The following MAGI1 variants were observed in gnomAD, a reference collection of about 807,000 sequenced individuals.
The protein encoded by MAGI1 is membrane-associated guanylate kinase, WW and PDZ domain-containing protein 1.
In MAGI1, 58 loss-of-function variants were observed where a neutral mutation model predicts 139.9. The observed-to-expected ratio is 0.41, with a 90% CI of 0.34 to 0.52. The LOEUF (loss-of-function observed/expected upper bound fraction) is 0.52. Among genes scored for constraint, MAGI1 ranks in the 20% least tolerant of loss-of-function variants. The pLI is 0.12. For synonymous variants in MAGI1, 812 were observed against 737.9 expected (o/e 1.10, Z -1.63); for missense variants, 1,874 against 1,901.6 (o/e 0.99, Z 0.27).
At chr3:65,995,953 G>T (rs557042342) in intron 1 of MAGI1, among the ~76,000 whole-genome samples, 1 of 152,078 alleles carries the variant, frequency 6.6e-6, no homozygotes, top group Non-Finnish European at 1.5e-5. Context: ...AGCTATGATC[G>T]TGCCACTGTA....
chr3:65,517,044 A>G (rs888616899), intron 2 of MAGI1, among the ~76,000 whole-genome samples: 2 of 152,142 alleles, frequency 1.3e-5, no homozygotes, highest in African/African-American at 2.4e-5. Context: ...CACCTCTTTA[A>G]GGGGGCTGAA....
At position 65,597,247 on chromosome 3, in the gene MAGI1, C is replaced by T. The variant is rs375797633; in HGVS notation, c.430+24725G>A. On this transcript the variant is annotated intron_variant, in intron 2 of 22. Transcript: ENST00000402939. ...TTTACCATCCATCAGGAACTCATTT[C>T]GCCGGCCCCCTCCCCCTCCCACCCC... is the stretch of plus-strand genomic sequence containing the variant. Among the ~76,000 whole-genome samples, 47 of 151,400 alleles carry T rather than the reference C, an allele frequency of 3.1e-4. No homozygotes were observed. The East Asian group carries it at 6.5e-3, about 21-fold the overall frequency.
At chr3:65,590,641 C>T (rs954232) in intron 2 of MAGI1, among the ~76,000 whole-genome samples, 55,435 of 152,010 alleles carry the variant, frequency 0.36, 11,403 homozygotes, top group East Asian at 0.62. Context: ...GCTGCTTGAA[C>T]AATGCTGAAT....
At chr3:65,826,358 T>C (rs942788593) in intron 1 of MAGI1, among the ~76,000 whole-genome samples, 1 of 152,228 alleles carries the variant, frequency 6.6e-6, no homozygotes, top group East Asian at 1.9e-4. Context: ...GAGCTACTTA[T>C]ATTTGGGATA....
Position 65,746,931 on chromosome 3 carries a change from A to G in MAGI1, c.314-124843T>C, listed in dbSNP as rs1322493656. On this transcript the variant is annotated intron_variant, in intron 1 of 22. Transcript: ENST00000402939. ...GTAGCAAATACACATATTTTAGTACAAGCACATGTAATGGGAAGGCCAAAC... is the reference window on the plus strand; with the variant it reads ...GTAGCAAATACACATATTTTAGTACGAGCACATGTAATGGGAAGGCCAAAC... Among the ~76,000 whole-genome samples, 6 of 152,200 alleles carry G rather than the reference A, an allele frequency of 3.9e-5. No individual in the cohort carries two copies. In the South Asian group the frequency reaches 1.2e-3, roughly 31 times the overall value.
chr3:65,778,761 A>G (rs927529334), intron 1 of MAGI1, among the ~76,000 whole-genome samples: 1 of 152,214 alleles, frequency 6.6e-6, no homozygotes, highest in Non-Finnish European at 1.5e-5. Context: ...AGCCAGTCAA[A>G]ATGTGTCTTC....
chr3:65,421,079 T>A (rs974738504), intron 12 of MAGI1, among the ~76,000 whole-genome samples: 1 of 152,232 alleles, frequency 6.6e-6, no homozygotes, highest in Non-Finnish European at 1.5e-5. Flanking sequence ...AAGCATTATA[T>A]AATGAAAGAC....
At chr3:65,617,345 G>A (rs2083431762) in intron 2 of MAGI1, among the ~76,000 whole-genome samples, 1 of 152,230 alleles carries the variant, frequency 6.6e-6, no homozygotes, top group Non-Finnish European at 1.5e-5. Flanking sequence ...CAGCATTCCA[G>A]AGAACCAGAA....
At chr3:65,580,250 A>C (rs1284438519) in intron 2 of MAGI1, among the ~76,000 whole-genome samples, 1 of 152,190 alleles carries the variant, frequency 6.6e-6, no homozygotes, top group African/African-American at 2.4e-5. Context: ...ACAAGTTTTC[A>C]ATCTAATTTG....
chr3:65,640,505 G>C lies in MAGI1; in HGVS notation c.314-18417C>G, dbSNP rs780033255. On this transcript the variant is annotated intron_variant, in intron 1 of 22. Coordinates refer to ENST00000402939, the MANE Select transcript of MAGI1 (RefSeq NM_001033057.2). Reference sequence around the variant, plus strand: ...AGGTGTCCTCCACCAAAATTAATTCGGCTGTGCTTCTCAGAAAAAGCGACA... The same window carrying C: ...AGGTGTCCTCCACCAAAATTAATTCCGCTGTGCTTCTCAGAAAAAGCGACA... Among the ~76,000 whole-genome samples, 3 of 152,096 alleles carry C rather than the reference G, an allele frequency of 2.0e-5. 1 individual carries two copies. Among genetic ancestry groups the C allele is most frequent in the South Asian group, 4.2e-4 (2 of 4,808 alleles).
chr3:65,886,002 G>A (rs2060516923), intron 1 of MAGI1, among the ~76,000 whole-genome samples: 1 of 152,160 alleles, frequency 6.6e-6, no homozygotes, highest in Non-Finnish European at 1.5e-5. Flanking sequence ...GAGCGGAGAT[G>A]TTACAGTTTT....
At chr3:65,371,823 C>T in intron 18 of MAGI1, 1 of 353,114 alleles carries the variant, frequency 2.8e-6, no homozygotes, top group South Asian at 2.3e-5. Flanking sequence ...GAAGCAACTC[C>T]TCATCTGTTC....
chr3:65,617,493 A>G (rs1469057484), intron 2 of MAGI1, among the ~76,000 whole-genome samples: 1 of 152,204 alleles, frequency 6.6e-6, no homozygotes, highest in East Asian at 1.9e-4. Context: ...CAGCTAGGAC[A>G]AGAAGTCATA....
rs145006407 is a variant in MAGI1 at position 65,810,885 on chromosome 3, T to C, written c.314-188797A>G. On this transcript the variant is annotated intron_variant, in intron 1 of 22. Transcript: ENST00000402939. ...CCTCTTTCTCTTCCATGAGATTACA[T>C]ATTTCAGGAGGGCTCCAGGCAGTAC... 1.9e-3 allele frequency among the ~76,000 whole-genome samples: 290 copies of C among 152,346 alleles called. 2 individuals carry two copies. The highest frequency in any genetic ancestry group is 3.5e-3 in the Non-Finnish European group (240 of 68,038).
intron 1 of MAGI1, among the ~76,000 whole-genome samples, chr3:65,641,366 A>G (rs2084975580): frequency 6.6e-6 from 1 of 152,228 alleles, no homozygotes; most frequent in Non-Finnish European, 1.5e-5. Context: ...TAATAGCACC[A>G]GCGCCTAGGC....
At chr3:65,968,329 C>T (rs748939668) in intron 1 of MAGI1, among the ~76,000 whole-genome samples, 1 of 152,098 alleles carries the variant, frequency 6.6e-6, no homozygotes, top group Non-Finnish European at 1.5e-5. Context: ...ATTACTGATT[C>T]CAGCATTGTT....
In MAGI1 at chr3:65,379,109, C is replaced by G. The variant is rs182725742; in HGVS notation, c.2995+152G>C. 2.9e-3 allele frequency: 4,331 copies of G among 1,487,946 alleles called. 15 individuals are homozygous for G. Among genetic ancestry groups the G allele is most frequent in the Non-Finnish European group, 3.5e-3 (3,823 of 1,105,664 alleles). The allele number at this position is 1,487,946 out of a possible 1,614,324, so 92.2% of individuals were successfully genotyped here. The stretch of plus-strand genomic sequence containing the variant: ...TTCAAAAGGGAAAAAGCTACCAAAT[C>G]AACTCCATCTCCAATTAAGTCTTTA... On this transcript the variant is annotated intron_variant, in intron 17 of 22. Transcript: ENST00000402939.
intron 1 of MAGI1, among the ~76,000 whole-genome samples, chr3:65,852,324 G>A: frequency 6.6e-6 from 1 of 151,932 alleles, no homozygotes; most frequent in Non-Finnish European, 1.5e-5. Flanking sequence ...AGCCTCCCCA[G>A]AAAGGAAGAG....
At chr3:65,679,391 T>C (rs1255122066) in intron 1 of MAGI1, among the ~76,000 whole-genome samples, 1 of 152,056 alleles carries the variant, frequency 6.6e-6, no homozygotes, top group Non-Finnish European at 1.5e-5. Flanking sequence ...ACTGCATTCC[T>C]ATTGCTTAAT....
Sources: gnomAD v4.1 joint callset for allele counts (sites outside exome capture counted in the v4.1 genomes callset) on GRCh38, gnomAD v4.1.1 for gene constraint, MANE v1.5 for transcripts, NCBI Gene and HGNC (gene_info 2026-07-23, HGNC 2026-07-21) for gene names.